Variants in KCNMB2 observed in about 807,000 individuals in gnomAD.
KCNMB2 encodes potassium calcium-activated channel subfamily M regulatory beta subunit 2, also known as calcium-activated potassium channel subunit beta-2.
A neutral mutation model predicts 24.5 loss-of-function variants in KCNMB2; 9 were observed. That is an observed-to-expected ratio of 0.37 (90% CI 0.22 to 0.64). The LOEUF is 0.64. Among genes scored for constraint, KCNMB2 ranks in the 30% least tolerant of loss-of-function variants. KCNMB2 has a pLI of 0.63. For missense variants in KCNMB2, 226 were observed against 284.3 expected (o/e 0.79, Z 1.47); for synonymous variants, 109 against 104.4 (o/e 1.04, Z -0.27).
intron 1 of KCNMB2, among the ~76,000 whole-genome samples, chr3:178,556,803 G>A (rs1345518104): frequency 1.3e-5 from 2 of 152,172 alleles, no homozygotes; most frequent in Non-Finnish European, 2.9e-5. Flanking sequence ...ACAGTGGCAA[G>A]GGTGATTGGG....
intron 1 of KCNMB2, among the ~76,000 whole-genome samples, chr3:178,757,880 GATAC>G (rs371496026): frequency 1.8e-5 from 1 of 54,550 alleles, no homozygotes; most frequent in African/African-American, 6.5e-5. Flanking sequence ...TATCCAAGAG[GATAC>G]ATATATATAT....
intron 1 of KCNMB2, among the ~76,000 whole-genome samples, chr3:178,679,102 G>C (rs1368106178): frequency 1.3e-5 from 2 of 151,280 alleles, no homozygotes; most frequent in South Asian, 4.2e-4. Context: ...TGTGCACATT[G>C]TGCAGGTTAG....
intron 1 of KCNMB2, among the ~76,000 whole-genome samples, chr3:178,667,920 T>C (rs1375154495): frequency 6.6e-6 from 1 of 152,136 alleles, no homozygotes; most frequent in Non-Finnish European, 1.5e-5. Flanking sequence ...GGTGGTTGGC[T>C]GGGGGCGAAT....
At chr3:178,573,932 TAA>T (rs1410047119) in intron 1 of KCNMB2, among the ~76,000 whole-genome samples, 3 of 151,968 alleles carry the variant, frequency 2.0e-5, no homozygotes, top group Middle Eastern at 3.4e-3. Flanking sequence ...AAGAAGTGTG[TAA>T]GAGAGAAATT....
At chr3:178,556,107 G>A (rs530350866) in intron 1 of KCNMB2, among the ~76,000 whole-genome samples, 2 of 152,300 alleles carry the variant, frequency 1.3e-5, no homozygotes, top group African/African-American at 4.8e-5. Flanking sequence ...TGGAAGGACA[G>A]TGCTGACTGA....
At chr3:178,780,664 T>A (rs1247085009) in intron 1 of KCNMB2, among the ~76,000 whole-genome samples, 3 of 152,080 alleles carry the variant, frequency 2.0e-5, no homozygotes, top group Non-Finnish European at 2.9e-5. Context: ...GGTATTGGAG[T>A]CAAACTAACT....
At chr3:178,538,874 A>G (rs1255223923) in intron 1 of KCNMB2, among the ~76,000 whole-genome samples, 1 of 152,212 alleles carries the variant, frequency 6.6e-6, no homozygotes, top group East Asian at 1.9e-4. Flanking sequence ...GCCTGTTTAC[A>G]TTGGTAGATA....
intron 1 of KCNMB2, among the ~76,000 whole-genome samples, chr3:178,600,763 C>T (rs1045827576): frequency 2.6e-5 from 4 of 152,078 alleles, no homozygotes; most frequent in East Asian, 1.9e-4. Context: ...AATAAACATG[C>T]GTGCATGTGT....
chr3:178,582,124 A>G (rs192832938), intron 1 of KCNMB2, among the ~76,000 whole-genome samples: 2 of 152,238 alleles, frequency 1.3e-5, no homozygotes, highest in African/African-American at 2.4e-5. Flanking sequence ...ATGCCCATCA[A>G]TGATAGACTG....
intron 1 of KCNMB2, among the ~76,000 whole-genome samples, chr3:178,581,742 T>C (rs936722731): frequency 6.6e-5 from 10 of 152,182 alleles, no homozygotes; most frequent in Non-Finnish European, 1.3e-4. Flanking sequence ...AAGACACTTA[T>C]GCAGCCAACA....
chr3:178,570,850 G>A (rs903453815), intron 1 of KCNMB2, among the ~76,000 whole-genome samples: 3 of 152,094 alleles, frequency 2.0e-5, no homozygotes, highest in Admixed American at 6.5e-5. Context: ...ACAAAGATAT[G>A]CTATCTTACT....
intron 1 of KCNMB2, among the ~76,000 whole-genome samples, chr3:178,546,839 T>C (rs1715790712): frequency 6.6e-6 from 1 of 152,190 alleles, no homozygotes; most frequent in Non-Finnish European, 1.5e-5. Flanking sequence ...GTGATCAAAA[T>C]GGAGAAGAAC....
intron 4 of KCNMB2, among the ~76,000 whole-genome samples, chr3:178,831,731 C>T (rs1715064954): frequency 6.6e-6 from 1 of 152,036 alleles, no homozygotes; most frequent in African/African-American, 2.4e-5. Context: ...TGAAAAAGCA[C>T]ACACCAAAGC....
intron 1 of KCNMB2, among the ~76,000 whole-genome samples, chr3:178,661,571 G>A (rs1467433658): frequency 6.6e-6 from 1 of 152,138 alleles, no homozygotes; most frequent in African/African-American, 2.4e-5. Flanking sequence ...TCCTGGCTGT[G>A]TTCCAGTAAA....
Position 178,759,296 on chromosome 3 carries a change from CATATATATATCTCCAAGAGGATATATAT to C in KCNMB2, c.-67-47977_-67-47950del, listed in dbSNP as rs1292815598. Among the ~76,000 whole-genome samples, 823 of 96,516 alleles carry C rather than the reference CATATATATATCTCCAAGAGGATATATAT, an allele frequency of 8.5e-3. 38 individuals are homozygous for C. Among genetic ancestry groups the C allele is most frequent in the Middle Eastern group, 0.015 (1 of 66 alleles). 63.3% of individuals were successfully genotyped at this position (96,516 alleles called of 152,430 possible). ...ACATATATATCTCTCCAAGAGGAGA[CATATATATATCTCCAAGAGGATATATAT>C]ATATATATATCTCCAAGAGGATATA... On this transcript the variant is annotated intron_variant, in intron 1 of 4. Coordinates refer to ENST00000452583, the MANE Select transcript of KCNMB2 (RefSeq NM_181361.3).
intron 1 of KCNMB2, among the ~76,000 whole-genome samples, chr3:178,598,006 G>A (rs1717938852): frequency 6.6e-6 from 1 of 151,084 alleles, no homozygotes; most frequent in African/African-American, 2.4e-5. Context: ...TTAGAAAACA[G>A]TTTGATGATA....
intron 1 of KCNMB2, among the ~76,000 whole-genome samples, chr3:178,585,669 G>A (rs749808987): frequency 1.1e-4 from 16 of 152,120 alleles, no homozygotes; most frequent in Non-Finnish European, 2.9e-5. Flanking sequence ...CCAGATGTAC[G>A]GTGGGCTGAC....
At chr3:178,646,026 T>G (rs960665619) in intron 1 of KCNMB2, among the ~76,000 whole-genome samples, 3 of 152,160 alleles carry the variant, frequency 2.0e-5, no homozygotes, top group African/African-American at 7.2e-5. Flanking sequence ...GCGTCTCACA[T>G]CCATCTGCAT....
At chr3:178,762,114 T>G (rs1212478555) in intron 1 of KCNMB2, among the ~76,000 whole-genome samples, 3 of 151,988 alleles carry the variant, frequency 2.0e-5, no homozygotes, top group Non-Finnish European at 4.4e-5. Flanking sequence ...GAGCTTGCAG[T>G]GAGCCGAGAT....
Sources: gnomAD v4.1 joint callset for allele counts (sites outside exome capture counted in the v4.1 genomes callset) on GRCh38, gnomAD v4.1.1 for gene constraint, MANE v1.5 for transcripts, NCBI Gene and HGNC (gene_info 2026-07-23, HGNC 2026-07-21) for gene names.